The following ARHGAP10 variants were observed in gnomAD, a reference collection of about 807,000 sequenced individuals.
ARHGAP10 encodes Rho GTPase activating protein 10.
ARHGAP10 carries 87 observed loss-of-function variants against 108.6 expected under a neutral mutation model. The ratio of observed to expected loss-of-function variants is 0.80; its 90% CI spans 0.67 to 0.96. ARHGAP10 has a LOEUF of 0.96. ARHGAP10 is among the 40% of genes least tolerant of loss of function. ARHGAP10 has a pLI of 0.00. For missense variants in ARHGAP10, 939 were observed against 954.5 expected (o/e 0.98, Z 0.21); for synonymous variants, 347 against 341.1 (o/e 1.02, Z -0.19).
intron 18 of ARHGAP10, among the ~76,000 whole-genome samples, chr4:147,975,077 T>G (rs1280584607): frequency 6.6e-6 from 1 of 152,226 alleles, no homozygotes; most frequent in Non-Finnish European, 1.5e-5. Context: ...ACAGTTTTTG[T>G]GGATGACTTT....
chr4:147,871,918 T>C (rs570970031), intron 7 of ARHGAP10, among the ~76,000 whole-genome samples: 49 of 152,050 alleles, frequency 3.2e-4, no homozygotes, highest in African/African-American at 1.1e-3. Context: ...CTGGGCAATG[T>C]AGTGAGACCC....
intron 12 of ARHGAP10, 108 bp downstream of exon 12, chr4:147,909,885 T>A: frequency 9.4e-7 from 1 of 1,067,268 alleles, no homozygotes; most frequent in Non-Finnish European, 1.4e-6. Context: ...GCACCCTCTA[T>A]TAGACAGAGG....
chr4:148,029,663 C>T (rs185722866), intron 19 of ARHGAP10, among the ~76,000 whole-genome samples: 195 of 152,216 alleles, frequency 1.3e-3, no homozygotes, highest in African/African-American at 4.6e-3. Context: ...CCATGCTTAC[C>T]AATTTTTTTT....
intron 1 of ARHGAP10, among the ~76,000 whole-genome samples, chr4:147,734,517 A>G (rs772318341): frequency 6.6e-6 from 1 of 152,170 alleles, no homozygotes; most frequent in African/African-American, 2.4e-5. Flanking sequence ...GGTGACAGGA[A>G]CACAGCTGTA....
chr4:147,761,325 A>G (rs992822072), intron 1 of ARHGAP10, among the ~76,000 whole-genome samples: 1 of 152,168 alleles, frequency 6.6e-6, no homozygotes, highest in Non-Finnish European at 1.5e-5. Context: ...CGTAATCTCT[A>G]TATAGAGTTA....
intron 14 of ARHGAP10, among the ~76,000 whole-genome samples, chr4:147,944,164 G>T (rs1244021109): frequency 1.3e-5 from 2 of 152,164 alleles, no homozygotes; most frequent in Admixed American, 1.3e-4. Context: ...GAAGTAATTG[G>T]TTGGCAAAGT....
At chr4:147,755,051 C>T (rs760360247) in intron 1 of ARHGAP10, among the ~76,000 whole-genome samples, 5 of 149,004 alleles carry the variant, frequency 3.4e-5, no homozygotes, top group Non-Finnish European at 5.9e-5. Context: ...AGTTGCACTA[C>T]AGTCTGGGCG....
At chr4:147,913,265 G>A in intron 13 of ARHGAP10, 126 bp downstream of exon 13, 4 of 776,492 alleles carry the variant, frequency 5.2e-6, no homozygotes, top group South Asian at 5.1e-5. Flanking sequence ...CTCATTCTGA[G>A]TATCAGAAGG....
In ARHGAP10 at chr4:148,030,947, A is replaced by G. The variant is rs535886745; in HGVS notation, c.1867+7534A>G. 1.7e-3 allele frequency among the ~76,000 whole-genome samples: 255 copies of G among 152,182 alleles called. 1 individual carries two copies. Among genetic ancestry groups the G allele is most frequent in the African/African-American group, 5.7e-3 (235 of 41,528 alleles). ...AGTGGCTCACTCCTATAATCCCAGCATGTTGGGTGGCCGAGGTGGGAGGAT... is the reference window on the plus strand; with the variant it reads ...AGTGGCTCACTCCTATAATCCCAGCGTGTTGGGTGGCCGAGGTGGGAGGAT... On this transcript the variant is annotated intron_variant, in intron 19 of 22. Transcript: ENST00000336498.
intron 1 of ARHGAP10, among the ~76,000 whole-genome samples, chr4:147,800,088 G>T (rs144877361): frequency 6.6e-6 from 1 of 152,084 alleles, no homozygotes; most frequent in African/African-American, 2.4e-5. Flanking sequence ...GTTAGATGCC[G>T]CTAGGGCTGC....
chr4:148,065,273 G>A (rs1296051185), intron 22 of ARHGAP10: 2 of 152,216 alleles, frequency 1.3e-5, no homozygotes, highest in Non-Finnish European at 2.9e-5. Context: ...GCTTGGAATG[G>A]AATGGTTGAT....
intron 18 of ARHGAP10, among the ~76,000 whole-genome samples, chr4:147,980,495 T>C (rs1014948720): frequency 3.3e-5 from 5 of 152,150 alleles, no homozygotes; most frequent in Non-Finnish European, 5.9e-5. Context: ...GGCATGTAGT[T>C]TTTTGTTGTT....
At chr4:147,975,220 T>G (rs1480604516) in intron 18 of ARHGAP10, among the ~76,000 whole-genome samples, 1 of 152,104 alleles carries the variant, frequency 6.6e-6, no homozygotes, top group South Asian at 2.1e-4. Flanking sequence ...GGTGTGACAG[T>G]GGAGGCCATT....
At chr4:147,780,314 G>T (rs1167070517) in intron 1 of ARHGAP10, among the ~76,000 whole-genome samples, 1 of 152,054 alleles carries the variant, frequency 6.6e-6, no homozygotes. Flanking sequence ...GACAGATTCT[G>T]CCCTACCTCT....
chr4:147,791,317 G>A (rs918396039), intron 1 of ARHGAP10, among the ~76,000 whole-genome samples: 1 of 151,806 alleles, frequency 6.6e-6, no homozygotes, highest in Admixed American at 6.6e-5. Context: ...TTGCTATGTT[G>A]GCCAGGCTGG....
At chr4:147,873,810 G>T (rs1734946920) in intron 7 of ARHGAP10, among the ~76,000 whole-genome samples, 1 of 150,836 alleles carries the variant, frequency 6.6e-6, no homozygotes, top group Non-Finnish European at 1.5e-5. Flanking sequence ...AGGAGGTTGA[G>T]GCTGTGATGA....
chr4:147,931,671 G>A (rs2126949512), intron 13 of ARHGAP10, among the ~76,000 whole-genome samples: 1 of 152,246 alleles, frequency 6.6e-6, no homozygotes. Flanking sequence ...ACAGGTTCAC[G>A]ATTCTTCATC....
chr4:147,975,763 G>T (rs1446096413), intron 18 of ARHGAP10, among the ~76,000 whole-genome samples: 1 of 152,190 alleles, frequency 6.6e-6, no homozygotes, highest in Non-Finnish European at 1.5e-5. Flanking sequence ...TTACATTGAG[G>T]ATTATGTTTT....
At chr4:147,910,212 G>A (rs191389473) in intron 12 of ARHGAP10, among the ~76,000 whole-genome samples, 4 of 151,946 alleles carry the variant, frequency 2.6e-5, no homozygotes, top group Admixed American at 2.0e-4. Flanking sequence ...TTGTTGAGAT[G>A]GGATCTTGCT....
Sources: allele counts gnomAD v4.1 joint callset (sites outside exome capture counted in the v4.1 genomes callset), GRCh38; gene constraint gnomAD v4.1.1; transcripts MANE v1.5; gene names NCBI Gene and HGNC (gene_info 2026-07-23, HGNC 2026-07-21).